CDC42SE2: variants seen among roughly 807,000 people sequenced by gnomAD.
CDC42SE2 encodes the protein CDC42 small effector 2.
Under a neutral mutation model 11.5 loss-of-function variants are expected in CDC42SE2, and 3 were observed. That is an observed-to-expected ratio of 0.26 (90% CI 0.12 to 0.67). The LOEUF (loss-of-function observed/expected upper bound fraction) is 0.67. Ranked by LOEUF, CDC42SE2 falls within the 30% of genes least tolerant of loss-of-function variation. The pLI, the probability that CDC42SE2 is intolerant of heterozygous loss-of-function variation, is 0.80. For synonymous variants in CDC42SE2, 33 were observed against 34.8 expected (o/e 0.95, Z 0.18); for missense variants, 82 against 106.8 (o/e 0.77, Z 1.02).
chr5:131,360,113 C>T (rs764031741), intron 3 of CDC42SE2, among the ~76,000 whole-genome samples: 2 of 152,150 alleles, frequency 1.3e-5, no homozygotes, highest in African/African-American at 4.8e-5. Context: ...TCCTGCCCTC[C>T]AGCCTCCAAA....
chr5:131,304,223 A>G (rs548383039), intron 1 of CDC42SE2, among the ~76,000 whole-genome samples: 8 of 152,070 alleles, frequency 5.3e-5, no homozygotes, highest in East Asian at 1.9e-4. Context: ...GGCCCAAACA[A>G]TCCTCCCGCC....
Position 131,285,284 on chromosome 5 carries a change from G to T in CDC42SE2, c.-455+21118G>T, listed in dbSNP as rs781160304. ...AGAGTGAGACCCTGTTGCTCCCCCC[G>T]CCCCAAAATAAAACCCAAAACCGTA... On this transcript the variant is annotated intron_variant, in intron 1 of 4. Transcript: ENST00000505065. 2.0e-5 allele frequency among the ~76,000 whole-genome samples: 3 copies of T among 151,876 alleles called. No individual in the cohort carries two copies. In the South Asian group the frequency reaches 6.2e-4, roughly 32 times the overall value.
chr5:131,293,029 C>G (rs991151014), intron 1 of CDC42SE2, among the ~76,000 whole-genome samples: 1 of 151,144 alleles, frequency 6.6e-6, no homozygotes, highest in African/African-American at 2.4e-5. Context: ...ACTACTTGCA[C>G]ATTTGTCAGA....
intron 1 of CDC42SE2, among the ~76,000 whole-genome samples, chr5:131,281,798 T>A (rs1351448648): frequency 6.6e-6 from 1 of 152,230 alleles, no homozygotes; most frequent in Non-Finnish European, 1.5e-5. Context: ...TCTCTAACTT[T>A]GCTGCATATT....
Position 131,342,388 on chromosome 5 carries a change from C to CTTTTTTTTTTTTTTTTT in CDC42SE2, c.-285-16818_-285-16802dup, listed in dbSNP as rs35818778. 6.8e-4 allele frequency among the ~76,000 whole-genome samples: 76 copies of CTTTTTTTTTTTTTTTTT among 111,298 alleles called. 13 individuals are homozygous for CTTTTTTTTTTTTTTTTT. Among genetic ancestry groups the CTTTTTTTTTTTTTTTTT allele is most frequent in the African/African-American group, 3.1e-3 (70 of 22,562 alleles). The allele number at this position is 111,298 out of a possible 152,430, so 73.0% of individuals were successfully genotyped here. ...TCAGAGATTTGCCATTTTTAATAGTCTTTTTTTTTTTTTTTTTTTAAGATA... is the reference window on the plus strand; with the variant it reads ...TCAGAGATTTGCCATTTTTAATAGTCTTTTTTTTTTTTTTTTTTTTTTTTTTTTTTTTTTTTAAGATA... On this transcript the variant is annotated intron_variant, in intron 2 of 4. Coordinates refer to ENST00000505065, the MANE Select transcript of CDC42SE2 (RefSeq NM_001375635.1).
intron 2 of CDC42SE2, among the ~76,000 whole-genome samples, chr5:131,341,622 A>G (rs1318908206): frequency 6.6e-6 from 1 of 152,212 alleles, no homozygotes; most frequent in Non-Finnish European, 1.5e-5. Flanking sequence ...GCAAGAGGCT[A>G]GGAAGAAACC....
intron 3 of CDC42SE2, among the ~76,000 whole-genome samples, chr5:131,370,397 GGCAACGTT>G (rs1371719863): frequency 1.3e-5 from 2 of 151,744 alleles, no homozygotes; most frequent in African/African-American, 4.8e-5. Context: ...TCATCTAATA[GGCAACGTT>G]AAGTGGAGTC....
the CDC42SE2 span, among the ~76,000 whole-genome samples, chr5:131,220,884 C>CTTTTTTT: frequency 7.7e-6 from 1 of 129,040 alleles, no homozygotes; most frequent in African/African-American, 3.1e-5. Flanking sequence ...CACCAGAAAC[C>CTTTTTTT]TTTTTTTTTT....
chr5:131,238,001 G>A, the CDC42SE2 span, among the ~76,000 whole-genome samples: 1 of 140,556 alleles, frequency 7.1e-6, no homozygotes, highest in Non-Finnish European at 1.5e-5. Flanking sequence ...TTATATATAG[G>A]CTGTCTTGCA....
intron 2 of CDC42SE2, among the ~76,000 whole-genome samples, chr5:131,348,251 A>G (rs1187203444): frequency 1.3e-5 from 2 of 152,196 alleles, no homozygotes; most frequent in Non-Finnish European, 2.9e-5. Context: ...AAACCCCATC[A>G]TCTCAGCCCA....
chr5:131,211,074 T>C, the CDC42SE2 span, among the ~76,000 whole-genome samples: 3 of 152,220 alleles, frequency 2.0e-5, no homozygotes, highest in Non-Finnish European at 2.9e-5. Context: ...TGATCTCAAG[T>C]GATCCGCCCT....
At chr5:131,330,721 A>G (rs1298016113) in intron 2 of CDC42SE2, among the ~76,000 whole-genome samples, 1 of 152,068 alleles carries the variant, frequency 6.6e-6, no homozygotes, top group Non-Finnish European at 1.5e-5. Context: ...AGAAAGTACT[A>G]TCTGGGCTGG....
At chr5:131,330,407 T>C (rs1257674600) in intron 2 of CDC42SE2, among the ~76,000 whole-genome samples, 1 of 152,208 alleles carries the variant, frequency 6.6e-6, no homozygotes, top group Admixed American at 6.5e-5. Context: ...TCCTGATTGT[T>C]GCTTTTAGGA....
At chr5:131,280,367 A>G (rs1757213869) in intron 1 of CDC42SE2, among the ~76,000 whole-genome samples, 1 of 152,214 alleles carries the variant, frequency 6.6e-6, no homozygotes, top group Non-Finnish European at 1.5e-5. Context: ...CTCAATATGA[A>G]TATATGTTTT....
intron 1 of CDC42SE2, among the ~76,000 whole-genome samples, chr5:131,293,844 C>T (rs1298284382): frequency 1.3e-5 from 2 of 152,176 alleles, no homozygotes; most frequent in Admixed American, 1.3e-4. Context: ...CCCTGGTGTG[C>T]CAGGTCCTGA....
chr5:131,236,724 G>C, the CDC42SE2 span, among the ~76,000 whole-genome samples: 1 of 152,258 alleles, frequency 6.6e-6, no homozygotes, highest in East Asian at 1.9e-4. Context: ...ACACTCAACC[G>C]ATTAAATTTA....
intron 3 of CDC42SE2, among the ~76,000 whole-genome samples, chr5:131,382,739 A>G (rs1180271185): frequency 6.6e-6 from 1 of 152,204 alleles, no homozygotes; most frequent in East Asian, 1.9e-4. Context: ...AACTGTGACA[A>G]GAACCTAGAA....
chr5:131,373,835 C>T (rs1030772889), intron 3 of CDC42SE2, among the ~76,000 whole-genome samples: 6 of 151,898 alleles, frequency 4.0e-5, no homozygotes, highest in African/African-American at 1.2e-4. Context: ...TAACAAGAAA[C>T]GATGCTTGGA....
intron 1 of CDC42SE2, among the ~76,000 whole-genome samples, chr5:131,278,730 TCCCCTCCCCTCCCCCTCCCCTCCC>T (rs1561569845): frequency 7.5e-4 from 1 of 1,338 alleles, no homozygotes; most frequent in Non-Finnish European, 1.5e-3. Context: ...CCCTCCCCCC[TCCCCTCCCCTCCCCCTCCCCTCCC>T]CTCTCCTCTC....
Sources: allele counts gnomAD v4.1 joint callset (sites outside exome capture counted in the v4.1 genomes callset), GRCh38; gene constraint gnomAD v4.1.1; transcripts MANE v1.5; gene names NCBI Gene and HGNC (gene_info 2026-07-23, HGNC 2026-07-21).